Variants in ANKRD17 observed in about 807,000 individuals in gnomAD.
ANKRD17 encodes ankyrin repeat domain-containing protein 17.
Under a neutral mutation model 229.7 loss-of-function variants are expected in ANKRD17, and 19 were observed. That is an observed-to-expected ratio of 0.08 (90% CI 0.06 to 0.12). The LOEUF is 0.12. Among genes scored for constraint, ANKRD17 ranks in the 10% least tolerant of loss-of-function variants. The pLI is 1.00. For synonymous variants in ANKRD17, 1,112 were observed against 1,146.1 expected (o/e 0.97, Z 0.60); for missense variants, 2,176 against 3,176.8 (o/e 0.68, Z 7.57).
chr4:73,193,628 G>T (rs950924389), intron 1 of ANKRD17, among the ~76,000 whole-genome samples: 4 of 152,060 alleles, frequency 2.6e-5, no homozygotes, highest in African/African-American at 9.7e-5. Context: ...CTTCAATAAA[G>T]TATCTGTTAA....
At chr4:73,217,362 C>T (rs571339418) in intron 1 of ANKRD17, among the ~76,000 whole-genome samples, 7 of 152,226 alleles carry the variant, frequency 4.6e-5, no homozygotes, top group Non-Finnish European at 7.4e-5. Flanking sequence ...CATTAATTCT[C>T]CCAAAATTGG....
chr4:73,245,407 T>C (rs556148794), intron 1 of ANKRD17, among the ~76,000 whole-genome samples: 5 of 152,312 alleles, frequency 3.3e-5, no homozygotes, highest in Admixed American at 6.5e-5. Context: ...GGTGAGCTCT[T>C]AAAAGAGATC....
intron 28 of ANKRD17, 29 bp from the exon 29 acceptor site, chr4:73,092,329 G>A (rs1424469175): frequency 6.5e-7 from 1 of 1,549,980 alleles, no homozygotes. Context: ...AAATTAGGTA[G>A]AATTTTCCCT....
At chr4:73,184,528 C>CA (rs776930137) in intron 1 of ANKRD17, among the ~76,000 whole-genome samples, 3,287 of 29,776 alleles carry the variant, frequency 0.11, 376 homozygotes, top group Non-Finnish European at 0.14. Context: ...GACTTCCTCT[C>CA]AAAAAAAAAA....
intron 11 of ANKRD17, among the ~76,000 whole-genome samples, chr4:73,143,144 T>TA (rs751556902): frequency 9.2e-5 from 14 of 152,192 alleles, no homozygotes; most frequent in Non-Finnish European, 8.8e-5. Flanking sequence ...TGAATAAAAA[T>TA]AAACTATACT....
At chr4:73,152,093 T>C (rs1241879429) in intron 6 of ANKRD17, among the ~76,000 whole-genome samples, 2 of 152,046 alleles carry the variant, frequency 1.3e-5, no homozygotes, top group Non-Finnish European at 2.9e-5. Flanking sequence ...AAATAAACCA[T>C]ATGCTTCAGT....
chr4:73,132,999 C>A lies in ANKRD17; in HGVS notation c.3234+2118G>T, dbSNP rs368067706. Among the ~76,000 whole-genome samples, 22 of 152,278 alleles carry A rather than the reference C, an allele frequency of 1.4e-4. No individual in the cohort carries two copies. In the East Asian group the frequency reaches 3.5e-3, roughly 24 times the overall value. On this transcript the variant is annotated intron_variant, in intron 16 of 33. Coordinates refer to ENST00000358602, the MANE Select transcript of ANKRD17 (RefSeq NM_032217.5). Reference sequence around the variant, plus strand: ...CGGTGGCACACGCCTGTAATCCCAGCACTTTGGGTGGCTAATGCAGGCAGA... The same window carrying A: ...CGGTGGCACACGCCTGTAATCCCAGAACTTTGGGTGGCTAATGCAGGCAGA...
chr4:73,136,189 T>C (rs1375710959), intron 15 of ANKRD17, among the ~76,000 whole-genome samples: 2 of 152,086 alleles, frequency 1.3e-5, no homozygotes, highest in Admixed American at 1.3e-4. Context: ...TAGGTGAACA[T>C]CATCTCCCCC....
intron 11 of ANKRD17, among the ~76,000 whole-genome samples, chr4:73,144,445 A>C (rs1311091806): frequency 6.6e-6 from 1 of 152,248 alleles, no homozygotes; most frequent in Non-Finnish European, 1.5e-5. Flanking sequence ...AGAAAGTGCT[A>C]TAGTACATGA....
At chr4:73,114,334 C>T (rs372727993) in intron 23 of ANKRD17, among the ~76,000 whole-genome samples, 93 of 152,100 alleles carry the variant, frequency 6.1e-4, no homozygotes, top group Non-Finnish European at 9.6e-4. Context: ...ATTTTGTGTA[C>T]AATAATCATT....
intron 29 of ANKRD17, among the ~76,000 whole-genome samples, chr4:73,086,565 A>G (rs1722148570): frequency 6.6e-6 from 1 of 151,958 alleles, no homozygotes; most frequent in South Asian, 2.1e-4. Context: ...TACAGAAAAA[A>G]AAGAAAGAAA....
chr4:73,113,636 C>T (rs766251643), intron 24 of ANKRD17, among the ~76,000 whole-genome samples, 156 bp downstream of exon 24: 6 of 152,150 alleles, frequency 3.9e-5, no homozygotes, highest in Non-Finnish European at 8.8e-5. Context: ...TCAATGTACT[C>T]ATAATTCTCT....
At chr4:73,147,757 AATG>A (rs201108365) in intron 8 of ANKRD17, among the ~76,000 whole-genome samples, 4 of 151,854 alleles carry the variant, frequency 2.6e-5, no homozygotes, top group Non-Finnish European at 5.9e-5. Context: ...TACTGGTGAT[AATG>A]ATGATGATGA....
At chr4:73,198,366 A>G (rs893031465) in intron 1 of ANKRD17, among the ~76,000 whole-genome samples, 3 of 152,186 alleles carry the variant, frequency 2.0e-5, no homozygotes, top group East Asian at 1.9e-4. Context: ...GGTATACTGC[A>G]AAGTATACTT....
chr4:73,156,889 C>A (rs992854837), intron 3 of ANKRD17, among the ~76,000 whole-genome samples: 2 of 152,070 alleles, frequency 1.3e-5, no homozygotes, highest in African/African-American at 2.4e-5. Context: ...TAGTGCTCAA[C>A]AAGGATGATT....
At chr4:73,141,607 T>C (rs977114718) in intron 14 of ANKRD17, 134 bp downstream of exon 14, 2 of 759,238 alleles carry the variant, frequency 2.6e-6, no homozygotes, top group East Asian at 2.7e-5. Flanking sequence ...CCCAATAACA[T>C]GCTTTTATCA....
Position 73,078,740 on chromosome 4 carries a change from T to C in ANKRD17, c.7310A>G (p.Gln2437Arg). 6.2e-7 allele frequency: 1 copy of C among 1,614,162 alleles called. No homozygotes were observed. The highest frequency in any genetic ancestry group is 8.5e-7 in the Non-Finnish European group (1 of 1,180,020). ...IGTERSARIRQTGTSAPSVIG... is the reference protein window; with the variant it reads ...IGTERSARIRRTGTSAPSVIG... ...AACAGATGGAGCTGACGTTCCAGTT[T>C]GCCTGATACGTGCAGAACGTTCAGT... Residue 2437 changes from glutamine to arginine, a missense_variant, in exon 31 of 34, where the codon CAA (glutamine) becomes CGA (arginine). Transcript: ENST00000358602.
chr4:73,140,933 C>T (rs1729517737), intron 14 of ANKRD17, among the ~76,000 whole-genome samples: 1 of 152,106 alleles, frequency 6.6e-6, no homozygotes, highest in South Asian at 2.1e-4. Flanking sequence ...TGGACTATGC[C>T]ATCCACTGTA....
intron 1 of ANKRD17, among the ~76,000 whole-genome samples, chr4:73,211,069 C>CT (rs372478901): frequency 1.3e-5 from 2 of 151,616 alleles, no homozygotes; most frequent in South Asian, 2.1e-4. Flanking sequence ...ACATAGATGA[C>CT]TTTTTTTTAA....
Sources: gnomAD v4.1 joint callset for allele counts (sites outside exome capture counted in the v4.1 genomes callset) on GRCh38, gnomAD v4.1.1 for gene constraint, MANE v1.5 for transcripts, NCBI Gene and HGNC (gene_info 2026-07-23, HGNC 2026-07-21) for gene names.